The following ARHGEF10L variants were observed in gnomAD, a reference collection of about 807,000 sequenced individuals.
ARHGEF10L encodes Rho guanine nucleotide exchange factor 10 like.
A neutral mutation model predicts 141.2 loss-of-function variants in ARHGEF10L; 69 were observed. That is an observed-to-expected ratio of 0.49 (90% CI 0.40 to 0.60). The LOEUF (loss-of-function observed/expected upper bound fraction) is 0.60, where lower values mean the gene tolerates loss of function less well. ARHGEF10L is among the 20% of genes least tolerant of loss of function. ARHGEF10L has a pLI of 0.00. For synonymous variants in ARHGEF10L, 711 were observed against 718.5 expected, an observed-to-expected ratio of 0.99 and a Z score of 0.17; for missense variants, 1,482 against 1,734.3, an observed-to-expected ratio of 0.85 and a Z score of 2.58.
At chr1:17,550,481 G>A (rs2077070296) in intron 1 of ARHGEF10L, among the ~76,000 whole-genome samples, 2 of 151,968 alleles carry the variant, frequency 1.3e-5, no homozygotes, top group South Asian at 4.1e-4. Flanking sequence ...CATCTCTACT[G>A]AAAATACAAA....
At chr1:17,626,186 C>G (rs947662616) in intron 14 of ARHGEF10L, 138 bp downstream of exon 14, 6 of 649,698 alleles carry the variant, frequency 9.2e-6, no homozygotes, top group Non-Finnish European at 1.6e-5. Flanking sequence ...GGACTCTGGC[C>G]TCATCTTTCT....
chr1:17,625,786 T>A lies in ARHGEF10L; in HGVS notation c.1318-170T>A, dbSNP rs1181941313. On this transcript the variant is annotated intron_variant, in intron 13 of 28. Coordinates refer to ENST00000361221, the MANE Select transcript of ARHGEF10L (RefSeq NM_018125.4). This position sits in a 1 kb window ranked among gnomAD's most constrained non-coding sequence, Gnocchi z 4.5. ...TGCAGGGGCACTGGTGGGAGAGGGA[T>A]CCCTGGCTGCAGAACCACGGACCTC... Among the ~76,000 whole-genome samples the A allele has an allele frequency of 6.6e-6, 1 of 152,054 alleles. No homozygotes were observed. Among genetic ancestry groups the A allele is most frequent in the Non-Finnish European group, 1.5e-5 (1 of 67,984 alleles).
At chr1:17,606,986 C>A (rs1252000108) in intron 6 of ARHGEF10L, among the ~76,000 whole-genome samples, 1 of 152,230 alleles carries the variant, frequency 6.6e-6, no homozygotes, top group Non-Finnish European at 1.5e-5. Flanking sequence ...TTCCCGCAGG[C>A]TTAGGAAGGA....
rs776427203 is a variant in ARHGEF10L at position 17,656,345 on chromosome 1, C to T, written c.2706-209C>T. ...CTCTTTTGCCTCCCTGAGTCCTCTT[C>T]GTGACAGAGGTGTCAGGGAGGGTAC... On this transcript the variant is annotated intron_variant, in intron 24 of 28. Transcript: ENST00000361221. This position sits in a 1 kb window ranked among gnomAD's most constrained non-coding sequence, Gnocchi z 4.9. Among the ~76,000 whole-genome samples, 3 of 152,198 alleles carry T rather than the reference C, an allele frequency of 2.0e-5. No homozygotes were observed. Among genetic ancestry groups the T allele is most frequent in the Admixed American group, 2.0e-4 (3 of 15,286 alleles).
intron 25 of ARHGEF10L, among the ~76,000 whole-genome samples, chr1:17,659,094 G>A (rs116285062): frequency 0.021 from 3,169 of 152,312 alleles, 112 homozygotes; most frequent in African/African-American, 0.072. Flanking sequence ...GTGTCAGGGA[G>A]TAGAGAGGCA....
chr1:17,679,801 G>C (rs114412049), intron 26 of ARHGEF10L, among the ~76,000 whole-genome samples: 1,551 of 152,244 alleles, frequency 0.01, 38 homozygotes, highest in African/African-American at 0.035. Context: ...TATGGGATGA[G>C]GATGGAATGG....
chr1:17,616,164 T>C lies in ARHGEF10L; in HGVS notation c.797T>C (p.Met266Thr), dbSNP rs1425514038. Residue 266 changes from methionine (M) to threonine (T), a missense_variant, in exon 9 of 29, where the codon ATG becomes ACG. Physicochemically the swap from Met to Thr is moderately conservative, Grantham distance 81. Coordinates refer to ENST00000361221, the MANE Select transcript of ARHGEF10L (RefSeq NM_018125.4). ...CTGGAGAAGACACGGATGGCCGTGA[T>C]GCGCAAAGTCTCCTTCCTGCACAGG... Reference protein sequence around the residue: ...DGLEKTRMAVMRKVSFLHRKD... With the variant: ...DGLEKTRMAVTRKVSFLHRKD... 1.2e-6 allele frequency: 2 copies of C among 1,610,242 alleles called. No individual in the cohort carries two copies. The highest frequency in any genetic ancestry group is 2.7e-5 in the African/African-American group (2 of 74,788).
At chr1:17,676,266 GTGCAGGTGTAGT>G (rs1355661240) in intron 26 of ARHGEF10L, among the ~76,000 whole-genome samples, 5 of 146,570 alleles carry the variant, frequency 3.4e-5, no homozygotes, top group African/African-American at 1.0e-4. Flanking sequence ...GCAGGTGTGG[GTGCAGGTGTAGT>G]TGCAGGTGTG....
intron 25 of ARHGEF10L, among the ~76,000 whole-genome samples, chr1:17,657,509 C>T (rs953624993): frequency 6.6e-6 from 1 of 152,174 alleles, no homozygotes; most frequent in Non-Finnish European, 1.5e-5. Context: ...GCCTGAAGGG[C>T]CCGCAGCGTC....
intron 4 of ARHGEF10L, among the ~76,000 whole-genome samples, chr1:17,591,729 G>C (rs2079562953): frequency 6.6e-6 from 1 of 151,630 alleles, no homozygotes. Context: ...CATATTTTTT[G>C]TAGAGATGGA....
At chr1:17,549,672 T>C (rs991453382) in intron 1 of ARHGEF10L, among the ~76,000 whole-genome samples, 3 of 152,146 alleles carry the variant, frequency 2.0e-5, no homozygotes, top group Non-Finnish European at 4.4e-5. Flanking sequence ...GAAGAGGCCA[T>C]GTTAGTTAGG....
chr1:17,585,367 G>A (rs1570633743), intron 2 of ARHGEF10L, among the ~76,000 whole-genome samples: 3 of 152,324 alleles, frequency 2.0e-5, no homozygotes, highest in Non-Finnish European at 4.4e-5. Flanking sequence ...GGTAAATGGA[G>A]GTGATCCTGA....
chr1:17,646,770 G>A (rs11579272), intron 21 of ARHGEF10L, among the ~76,000 whole-genome samples: 1 of 151,766 alleles, frequency 6.6e-6, no homozygotes, highest in Non-Finnish European at 1.5e-5. Flanking sequence ...GAGGGGCAGC[G>A]TTCCGGACAG....
chr1:17,687,055 A>ATGATGAGG (rs201130207), intron 26 of ARHGEF10L, among the ~76,000 whole-genome samples: 1,956 of 152,186 alleles, frequency 0.013, 22 homozygotes, highest in Middle Eastern at 0.024. Flanking sequence ...CTTGCTGTGA[A>ATGATGAGG]TGATGAGGAT....
At chr1:17,661,354 A>G (rs553399148) in intron 25 of ARHGEF10L, among the ~76,000 whole-genome samples, 1 of 152,376 alleles carries the variant, frequency 6.6e-6, no homozygotes, top group Non-Finnish European at 1.5e-5. Context: ...TTGGGATTAC[A>G]GGCGTGAGCC....
intron 22 of ARHGEF10L, among the ~76,000 whole-genome samples, chr1:17,649,219 C>T (rs1192100696): frequency 1.3e-5 from 2 of 152,244 alleles, no homozygotes; most frequent in Non-Finnish European, 2.9e-5. Context: ...AAGACAGGTG[C>T]TATGATTTTC....
chr1:17,636,638 T>C (rs940518209), intron 18 of ARHGEF10L, among the ~76,000 whole-genome samples: 2 of 152,228 alleles, frequency 1.3e-5, no homozygotes, highest in African/African-American at 4.8e-5. Flanking sequence ...CCCTCTGATG[T>C]GAGCACATTG....
Position 17,654,592 on chromosome 1 carries a change from C to A in ARHGEF10L, c.2395-44C>A, listed in dbSNP as rs2062116913. ...AATCTGCCAAATATTGGCATCTGGG[C>A]ACCTTGATGATTAACCTCACATGTA... On this transcript the variant is annotated intron_variant, in intron 22 of 28. Transcript: ENST00000361221. The surrounding 1 kb of genome is among the most constrained non-coding windows in gnomAD (Gnocchi z 4.3). The A allele has an allele frequency of 1.3e-6, 2 of 1,551,694 alleles. No individual in the cohort carries two copies. The highest frequency in any genetic ancestry group is 8.9e-7 in the Non-Finnish European group (1 of 1,123,250).
intron 2 of ARHGEF10L, among the ~76,000 whole-genome samples, chr1:17,583,035 T>G (rs2078710735): frequency 3.6e-5 from 5 of 140,076 alleles, no homozygotes; most frequent in African/African-American, 8.2e-5. Context: ...GACAACAGAG[T>G]GGAACCCTGT....
Sources: gnomAD v4.1 joint callset for allele counts (sites outside exome capture counted in the v4.1 genomes callset) on GRCh38, gnomAD v4.1.1 for gene constraint, Gnocchi (gnomAD v3.1) non-coding constraint, MANE v1.5 for transcripts, NCBI Gene and HGNC (gene_info 2026-07-23, HGNC 2026-07-21) for gene names.